SCN2A: variants seen among roughly 807,000 people sequenced by gnomAD.
SCN2A encodes the protein sodium voltage-gated channel alpha subunit 2, also known as sodium channel protein type 2 subunit alpha.
Under a neutral mutation model 188.7 loss-of-function variants are expected in SCN2A, and 20 were observed. That is an observed-to-expected ratio of 0.11 (90% CI 0.07 to 0.15). SCN2A has a LOEUF of 0.15. Among genes scored for constraint, SCN2A ranks in the 10% least tolerant of loss-of-function variants. The pLI is 1.00. For synonymous variants in SCN2A, 804 were observed against 833.1 expected (o/e 0.97, Z 0.60); for missense variants, 1,278 against 2,445.0 (o/e 0.52, Z 10.07).
intron 1 of SCN2A, among the ~76,000 whole-genome samples, chr2:165,294,710 TAG>T (rs1696408098): frequency 6.6e-6 from 1 of 152,292 alleles, no homozygotes; most frequent in South Asian, 2.1e-4. Context: ...TCAAATAGCA[TAG>T]AAACTCCTGC....
In SCN2A at chr2:165,370,317, T is replaced by C. The variant is rs753754531; in HGVS notation, c.3849+18T>C. On this transcript the variant is annotated intron_variant, in intron 20 of 26. Coordinates refer to ENST00000375437, the MANE Select transcript of SCN2A (RefSeq NM_001040142.2). The stretch of plus-strand genomic sequence containing the variant: ...TTGTTGATGTGAGTATGCTGCACTT[T>C]GCTGCTTTATTCATTGGCATATATG... 10 of 1,613,688 alleles carry C rather than the reference T, an allele frequency of 6.2e-6. No individual in the cohort carries two copies. The highest frequency in any genetic ancestry group is 8.5e-6 in the Non-Finnish European group (10 of 1,179,716).
intron 16 of SCN2A, among the ~76,000 whole-genome samples, chr2:165,353,423 A>G: frequency 6.6e-6 from 1 of 152,218 alleles, no homozygotes; most frequent in East Asian, 1.9e-4. Context: ...TTTTAGGAAT[A>G]AATTATCAGT....
chr2:165,374,939 A>G lies in SCN2A; in HGVS notation c.4227A>G (p.Gly1409=). ...TGAAAGTAAACTTTGATAACGTAGGACTTGGATATCTGTCTCTACTTCAAG... is the reference window on the plus strand; with the variant it reads ...TGAAAGTAAACTTTGATAACGTAGGGCTTGGATATCTGTCTCTACTTCAAG... ...KNVKVNFDNV[G]LGYLSLLQVA... is the part of the protein sequence containing the mutation. Residue 1409 remains glycine (G), a synonymous_variant, in exon 22 of 27, where the codon GGA becomes GGG. Coordinates refer to ENST00000375437, the MANE Select transcript of SCN2A (RefSeq NM_001040142.2). 3 of 1,613,256 alleles carry G rather than the reference A, an allele frequency of 1.9e-6. No homozygotes were observed. The highest frequency in any genetic ancestry group is 2.5e-6 in the Non-Finnish European group (3 of 1,179,470).
Position 165,387,010 on chromosome 2 carries a change from A to G in SCN2A, c.4816A>G (p.Ile1606Val). 1 of 1,613,578 alleles carries G rather than the reference A, an allele frequency of 6.2e-7. No homozygotes were observed. The highest frequency in any genetic ancestry group is 8.5e-7 in the Non-Finnish European group (1 of 1,179,678). ...IFDFVVVILS[I>V]VGMFLAELIE... ...TGATTTTGTGGTGGTCATTCTCTCC[A>G]TTGTAGGTAAGAAGAGGTGCTTTTA... Residue 1606 changes from isoleucine (I) to valine (V), a missense_variant, in exon 26 of 27, where the codon ATT (isoleucine) becomes GTT (valine). Transcript: ENST00000375437.
At chr2:165,377,370 T>C (rs1574722952) in intron 22 of SCN2A, among the ~76,000 whole-genome samples, 1 of 152,008 alleles carries the variant, frequency 6.6e-6, no homozygotes, top group Admixed American at 6.6e-5. Context: ...TAGATCATTA[T>C]TTAATTATAT....
At chr2:165,299,275 T>C (rs1398974565) in intron 3 of SCN2A, among the ~76,000 whole-genome samples, 2 of 152,178 alleles carry the variant, frequency 1.3e-5, no homozygotes, top group Non-Finnish European at 2.9e-5. Context: ...ACAACTTGAA[T>C]CTGTGGGCTT....
chr2:165,280,755 C>T (rs1695549257), intron 1 of SCN2A, among the ~76,000 whole-genome samples: 1 of 152,118 alleles, frequency 6.6e-6, no homozygotes, highest in Non-Finnish European at 1.5e-5. Context: ...CCCATCCAGA[C>T]CTGCAGCTTT....
At chr2:165,366,604 C>CT (rs1318474166) in intron 18 of SCN2A, among the ~76,000 whole-genome samples, 1 of 150,470 alleles carries the variant, frequency 6.6e-6, no homozygotes, top group Non-Finnish European at 1.5e-5. Context: ...ATACCAGCTA[C>CT]TTGGGAGGCT....
chr2:165,370,018 T>A (rs1700943032), intron 19 of SCN2A, 108 bp from the exon 20 acceptor site: 7 of 928,292 alleles, frequency 7.5e-6, no homozygotes, highest in Non-Finnish European at 1.2e-5. Context: ...CATTAAACCT[T>A]CCAGCCTTAG....
intron 13 of SCN2A, among the ~76,000 whole-genome samples, chr2:165,329,158 T>C (rs1245340523): frequency 6.6e-6 from 1 of 152,126 alleles, no homozygotes; most frequent in East Asian, 1.9e-4. Context: ...TTCTCCTTCT[T>C]TTTAACTACA....
chr2:165,279,812 T>C (rs1695507012), intron 1 of SCN2A, among the ~76,000 whole-genome samples: 1 of 152,156 alleles, frequency 6.6e-6, no homozygotes, highest in African/African-American at 2.4e-5. Context: ...CCAAATCTCA[T>C]TTTGAATTCC....
At chr2:165,320,056 A>T (rs1429542030) in intron 11 of SCN2A, among the ~76,000 whole-genome samples, 1 of 152,200 alleles carries the variant, frequency 6.6e-6, no homozygotes, top group African/African-American at 2.4e-5. Context: ...GAAAAATCAA[A>T]AGCAAGTTAG....
At chr2:165,309,324 G>A in intron 5 of SCN2A, 28 bp from the exon 6 acceptor site, 1 of 1,613,628 alleles carries the variant, frequency 6.2e-7, no homozygotes, top group South Asian at 1.1e-5. Context: ...TTCTGTCATT[G>A]TGTTTGTGTG....
chr2:165,367,129 G>A, intron 18 of SCN2A, 88 bp from the exon 19 acceptor site: 1 of 1,224,774 alleles, frequency 8.2e-7, no homozygotes, highest in Non-Finnish European at 1.2e-6. Flanking sequence ...GTATTATCAG[G>A]TAATAATGTA....
chr2:165,356,915 A>C (rs1031228606), intron 17 of SCN2A, among the ~76,000 whole-genome samples: 4 of 152,178 alleles, frequency 2.6e-5, no homozygotes, highest in Non-Finnish European at 5.9e-5. Context: ...CTCTAAAATA[A>C]TATTTGTGAA....
chr2:165,284,869 C>T (rs536072814), intron 1 of SCN2A, among the ~76,000 whole-genome samples: 79 of 152,240 alleles, frequency 5.2e-4, no homozygotes, highest in Non-Finnish European at 8.1e-4. Context: ...CATTTAGAGA[C>T]GGTTGAATGA....
chr2:165,276,757 C>T (rs1050231248), intron 1 of SCN2A, among the ~76,000 whole-genome samples: 2 of 152,114 alleles, frequency 1.3e-5, no homozygotes, highest in Non-Finnish European at 2.9e-5. Context: ...TTCATCAAGC[C>T]CAGTAAGCCC....
At chr2:165,304,256 G>A (rs1368162564) in intron 3 of SCN2A, among the ~76,000 whole-genome samples, 1 of 151,978 alleles carries the variant, frequency 6.6e-6, no homozygotes, top group Non-Finnish European at 1.5e-5. Flanking sequence ...CGTCACGCCT[G>A]GCTAATTTTT....
Position 165,326,879 on chromosome 2 carries a change from A to G in SCN2A, c.2044A>G (p.Lys682Glu), listed in dbSNP as rs1057520113. 6.2e-7 allele frequency: 1 copy of G among 1,614,008 alleles called. No homozygotes were observed. Among genetic ancestry groups the G allele is most frequent in the Non-Finnish European group, 8.5e-7 (1 of 1,179,918 alleles). ...EGTTTETEIR[K>E]RRSSSYHVSM... ...CACAACTACTGAAACAGAAATAAGA[A>G]AGAGACGGTCCAGTTCTTATCATGT... Residue 682 changes from lysine to glutamate, a missense_variant, in exon 13 of 27, where the codon AAG becomes GAG. Around this residue, in one of 17 missense-constraint regions of SCN2A, gnomAD observed 315 missense variants for 386.6 expected, o/e 0.81. Transcript: ENST00000375437.
Sources: gnomAD v4.1 joint callset for allele counts (sites outside exome capture counted in the v4.1 genomes callset) on GRCh38, gnomAD v4.1.1 for gene constraint, gnomAD v4.1.1 regional missense constraint, MANE v1.5 for transcripts, NCBI Gene and HGNC (gene_info 2026-07-23, HGNC 2026-07-21) for gene names.